The following ZBTB49 variants were observed in gnomAD, a reference collection of about 807,000 sequenced individuals.
ZBTB49 encodes zinc finger and BTB domain containing 49.
ZBTB49 carries 43 observed loss-of-function variants against 57.5 expected under a neutral mutation model. That is an observed-to-expected ratio of 0.75 (90% confidence interval 0.59 to 0.97). The LOEUF (loss-of-function observed/expected upper bound fraction) is 0.97, where lower values mean the gene tolerates loss of function less well. Among genes scored for constraint, ZBTB49 ranks in the 50% least tolerant of loss-of-function variants. The pLI, the probability that ZBTB49 is intolerant of heterozygous loss-of-function variation, is 0.00. For missense variants in ZBTB49, 938 were observed against 947.7 expected (o/e 0.99, Z 0.13); for synonymous variants, 369 against 362.1 (o/e 1.02, Z -0.22).
chr4:4,313,784 G>A (rs1349846624), intron 5 of ZBTB49, among the ~76,000 whole-genome samples: 3 of 152,206 alleles, frequency 2.0e-5, no homozygotes, highest in Non-Finnish European at 2.9e-5. Context: ...TCCATCATCT[G>A]GTGGTTGTGC....
At chr4:4,297,628 T>A (rs948885115) in intron 1 of ZBTB49, among the ~76,000 whole-genome samples, 5 of 151,970 alleles carry the variant, frequency 3.3e-5, no homozygotes, top group African/African-American at 4.8e-5. Flanking sequence ...CTGCAAAAAA[T>A]TTTTTAAATT....
chr4:4,302,035 T>C lies in ZBTB49; in HGVS notation c.199T>C (p.Leu67=). 1 of 1,593,076 alleles carries C rather than the reference T, an allele frequency of 6.3e-7. No homozygotes were observed. Among genetic ancestry groups the C allele is most frequent in the South Asian group, 1.1e-5 (1 of 87,876 alleles). Residue 67 remains leucine (L), a synonymous_variant, in exon 3 of 8, where the codon TTG becomes CTG. Transcript: ENST00000337872. ...AAGCCAGAAGAATGATGTTTTTCAC[T>C]TGGATGTTAAAAATGTCAGTGGCAT... The part of the protein sequence containing the change: ...SSSQKNDVFH[L]DVKNVSGIGQ...
In ZBTB49 at chr4:4,315,158, G is replaced by A. The variant is rs80176277; in HGVS notation, c.1377-478G>A. Among the ~76,000 whole-genome samples, 4,312 of 152,286 alleles carry A rather than the reference G, an allele frequency of 0.028. 409 individuals carry two copies. The East Asian group carries it at 0.32, about 11-fold the overall frequency. On this transcript the variant is annotated intron_variant, in intron 5 of 7. Transcript: ENST00000337872. ...GTGAAAAGAGCGAGAGTCGCACCTG[G>A]CTAGACCAGGGCAGAACTCACTCTG...
At chr4:4,313,844 G>C (rs1233898952) in intron 5 of ZBTB49, among the ~76,000 whole-genome samples, 1 of 152,134 alleles carries the variant, frequency 6.6e-6, no homozygotes, top group African/African-American at 2.4e-5. Context: ...AGCTCTGTAC[G>C]CACCTTGGTT....
intron 1 of ZBTB49, among the ~76,000 whole-genome samples, chr4:4,294,452 G>A (rs1163557652): frequency 6.6e-6 from 1 of 152,172 alleles, no homozygotes; most frequent in East Asian, 1.9e-4. Context: ...GGCCTTCTGG[G>A]TTCAAGCGAT....
At chr4:4,303,760 C>CTCTCTCTGTG (rs1223289249) in intron 3 of ZBTB49, among the ~76,000 whole-genome samples, 1 of 121,324 alleles carries the variant, frequency 8.2e-6, no homozygotes, top group Non-Finnish European at 1.7e-5. Flanking sequence ...CTCTCTCTCT[C>CTCTCTCTGTG]TGTGTGTGTG....
intron 5 of ZBTB49, among the ~76,000 whole-genome samples, 176 bp from the exon 6 acceptor site, chr4:4,315,460 C>T (rs1721149554): frequency 6.6e-6 from 1 of 150,788 alleles, no homozygotes; most frequent in Non-Finnish European, 1.5e-5. Context: ...TTCTGCTTTT[C>T]TTAAAAAAAT....
chr4:4,294,916 T>TGTGTGTGTG (rs59488167), intron 1 of ZBTB49, among the ~76,000 whole-genome samples: 11 of 145,998 alleles, frequency 7.5e-5, no homozygotes, highest in Non-Finnish European at 9.0e-5. Context: ...TGTGTGTGTG[T>TGTGTGTGTG]TTAATGTCTT....
At chr4:4,301,252 C>T (rs1720459678) in intron 2 of ZBTB49, among the ~76,000 whole-genome samples, 1 of 152,174 alleles carries the variant, frequency 6.6e-6, no homozygotes, top group Non-Finnish European at 1.5e-5. Context: ...TTATTTCATA[C>T]ATAATACAAA....
At chr4:4,291,079 G>C (rs1719881913) in intron 1 of ZBTB49, among the ~76,000 whole-genome samples, 1 of 152,206 alleles carries the variant, frequency 6.6e-6, no homozygotes, top group African/African-American at 2.4e-5. Flanking sequence ...CACTCCCAAG[G>C]TGTGTGTATA....
intron 1 of ZBTB49, among the ~76,000 whole-genome samples, chr4:4,296,461 A>T (rs1017217219): frequency 2.0e-5 from 3 of 152,132 alleles, no homozygotes; most frequent in African/African-American, 7.2e-5. Flanking sequence ...AGTTTTAAAA[A>T]CGGGAGTTTC....
chr4:4,301,611 T>A (rs904489033), intron 2 of ZBTB49, among the ~76,000 whole-genome samples: 2 of 152,134 alleles, frequency 1.3e-5, no homozygotes, highest in African/African-American at 4.8e-5. Context: ...ATATGGATAA[T>A]TACCTTTCGA....
At chr4:4,319,129 G>A (rs1721308362) in intron 7 of ZBTB49, among the ~76,000 whole-genome samples, 1 of 151,988 alleles carries the variant, frequency 6.6e-6, no homozygotes, top group Non-Finnish European at 1.5e-5. Flanking sequence ...CTGAGCTCAA[G>A]CAATCCTCCC....
At chr4:4,291,308 C>T (rs1441335145) in intron 1 of ZBTB49, among the ~76,000 whole-genome samples, 1 of 152,220 alleles carries the variant, frequency 6.6e-6, no homozygotes, top group African/African-American at 2.4e-5. Context: ...TGCTTTCTTG[C>T]TGTGTCCTCG....
At chr4:4,301,345 G>A (rs1442209735) in intron 2 of ZBTB49, among the ~76,000 whole-genome samples, 1 of 152,118 alleles carries the variant, frequency 6.6e-6, no homozygotes, top group African/African-American at 2.4e-5. Flanking sequence ...TAACTCTTAG[G>A]GTTTTTCTCA....
Position 4,321,501 on chromosome 4 carries a change from T to G in ZBTB49, c.*185T>G. On this transcript the variant is annotated 3_prime_UTR_variant, in exon 8 of 8. Transcript: ENST00000337872. ...TGGGGGTGTGAGGGGGAGGGCCTGC[T>G]GGCTCACCGTGAGGCAGCCGCGGGA... 1 of 672,304 alleles carries G rather than the reference T, an allele frequency of 1.5e-6. No homozygotes were observed. Among genetic ancestry groups the G allele is most frequent in the Non-Finnish European group, 2.4e-6 (1 of 410,722 alleles). The allele number at this position is 672,304 out of a possible 1,614,324, so 41.6% of individuals were successfully genotyped here.
chr4:4,309,362 G>A (rs1291334813), intron 4 of ZBTB49, among the ~76,000 whole-genome samples: 1 of 152,234 alleles, frequency 6.6e-6, no homozygotes, highest in Admixed American at 6.5e-5. Context: ...CTACTTTAGA[G>A]TATGACTGAG....
At chr4:4,315,499 A>T (rs1466931136) in intron 5 of ZBTB49, 137 bp from the exon 6 acceptor site, 2 of 778,548 alleles carry the variant, frequency 2.6e-6, no homozygotes, top group Middle Eastern at 2.6e-4. Flanking sequence ...TGCACGTTTC[A>T]GATGAAACCA....
At position 4,298,216 on chromosome 4, in the gene ZBTB49, G is replaced by T. The variant is rs981632252; in HGVS notation, c.-19-1711G>T. ...ACTAGGTCTCCAACCCACTGGCCAA[G>T]AACATAGGTGGTTTGGGGAGCTGCT... is the stretch of plus-strand genomic sequence containing the variant. On this transcript the variant is annotated intron_variant, in intron 1 of 7. Transcript: ENST00000337872. Among the ~76,000 whole-genome samples the T allele has an allele frequency of 2.0e-5, 3 of 152,204 alleles. 1 individual carries two copies. Among genetic ancestry groups the T allele is most frequent in the South Asian group, 4.2e-4 (2 of 4,818 alleles).
Sources: allele counts gnomAD v4.1 joint callset (sites outside exome capture counted in the v4.1 genomes callset), GRCh38; gene constraint gnomAD v4.1.1; transcripts MANE v1.5; gene names NCBI Gene and HGNC (gene_info 2026-07-23, HGNC 2026-07-21).